RBFOX1: variants seen among roughly 807,000 people sequenced by gnomAD.
The protein encoded by RBFOX1 is RNA binding protein fox-1 homolog 1.
A neutral mutation model predicts 57.7 loss-of-function variants in RBFOX1; 8 were observed. That is an observed-to-expected ratio of 0.14 (90% CI 0.08 to 0.25). The LOEUF is 0.25. RBFOX1 is among the 10% of genes least tolerant of loss of function. The pLI is 1.00. For missense variants in RBFOX1, 611 were observed against 548.5 expected (o/e 1.11, Z -1.14); for synonymous variants, 326 against 222.4 (o/e 1.47, Z -4.15).
intron 1 of RBFOX1, among the ~76,000 whole-genome samples, chr16:6,185,015 C>A (rs151034304): frequency 6.6e-6 from 1 of 152,038 alleles, no homozygotes; most frequent in African/African-American, 2.4e-5. Flanking sequence ...CATGAGGTGC[C>A]CATTGGATTT....
intron 4 of RBFOX1, among the ~76,000 whole-genome samples, chr16:7,367,196 G>T (rs1023670404): frequency 6.6e-6 from 1 of 152,114 alleles, no homozygotes. Context: ...AATGGCTGAG[G>T]CCCCCACCCC....
At chr16:5,469,281 C>T (rs975180795) in intron 2 of RBFOX1, among the ~76,000 whole-genome samples, 1 of 152,098 alleles carries the variant, frequency 6.6e-6, no homozygotes, top group Admixed American at 6.5e-5. Flanking sequence ...CCCAGCACAC[C>T]CCCCATGTAG....
intron 5 of RBFOX1, among the ~76,000 whole-genome samples, chr16:7,548,561 C>T (rs1343718741): frequency 6.6e-6 from 1 of 152,246 alleles, no homozygotes; most frequent in Non-Finnish European, 1.5e-5. Context: ...TAGTCTAGAG[C>T]TGTGAACCAA....
At chr16:5,645,759 G>A (rs1163046839) in intron 3 of RBFOX1, among the ~76,000 whole-genome samples, 1 of 152,124 alleles carries the variant, frequency 6.6e-6, no homozygotes, top group African/African-American at 2.4e-5. Context: ...TCAATCTCCT[G>A]GCCTTAAGCA....
At chr16:6,506,765 C>A (rs570958051) in intron 2 of RBFOX1, among the ~76,000 whole-genome samples, 1 of 150,434 alleles carries the variant, frequency 6.6e-6, no homozygotes, top group African/African-American at 2.4e-5. Context: ...TCAGGCCTTA[C>A]CCTCCCAAGA....
At chr16:6,995,454 C>T (rs1353376796) in intron 3 of RBFOX1, among the ~76,000 whole-genome samples, 1 of 151,942 alleles carries the variant, frequency 6.6e-6, no homozygotes, top group Non-Finnish European at 1.5e-5. Flanking sequence ...AATAATCTTG[C>T]TGGTGGTGAC....
intron 14 of RBFOX1, among the ~76,000 whole-genome samples, chr16:7,705,613 T>C (rs960390760): frequency 6.6e-6 from 1 of 152,226 alleles, no homozygotes; most frequent in Non-Finnish European, 1.5e-5. Flanking sequence ...GTTTGGATTT[T>C]ATTCTAGGAT....
intron 14 of RBFOX1, among the ~76,000 whole-genome samples, chr16:7,679,154 TGTC>T (rs1387479277): frequency 6.6e-6 from 1 of 152,228 alleles, no homozygotes; most frequent in Non-Finnish European, 1.5e-5. Context: ...TGTTTTAAAA[TGTC>T]TATTAAATGG....
intron 4 of RBFOX1, among the ~76,000 whole-genome samples, chr16:7,385,384 A>G (rs1299356151): frequency 1.3e-5 from 2 of 152,158 alleles, no homozygotes; most frequent in Non-Finnish European, 2.9e-5. Flanking sequence ...GTTGTAGAAA[A>G]TTAACAGGCA....
At position 6,172,462 on chromosome 16, in the gene RBFOX1, C is replaced by T. The variant is rs1213905628; in HGVS notation, c.-126-144533C>T. Among the ~76,000 whole-genome samples, 9 of 152,158 alleles carry T rather than the reference C, an allele frequency of 5.9e-5. 1 individual carries two copies. Among genetic ancestry groups the T allele is most frequent in the African/African-American group, 9.7e-5 (4 of 41,444 alleles). On this transcript the variant is annotated intron_variant, in intron 1 of 15. Coordinates refer to ENST00000550418, the MANE Select transcript of RBFOX1 (RefSeq NM_018723.4). ...GAGCAGAACCATCACTTCCCATCTT[C>T]CTTGGCTGTCAACCAAAAATTGCCC...
intron 2 of RBFOX1, among the ~76,000 whole-genome samples, chr16:6,605,069 T>TTA (rs982317265): frequency 2.0e-5 from 3 of 152,024 alleles, no homozygotes; most frequent in African/African-American, 4.8e-5. Context: ...GTGTGTATTT[T>TTA]TATATATATA....
At chr16:6,781,501 G>C (rs1369747309) in intron 3 of RBFOX1, among the ~76,000 whole-genome samples, 1 of 151,904 alleles carries the variant, frequency 6.6e-6, no homozygotes, top group Non-Finnish European at 1.5e-5. Flanking sequence ...AATAGAATTG[G>C]TATTAAGTCT....
chr16:5,834,076 G>A (rs1444504420), intron 3 of RBFOX1, among the ~76,000 whole-genome samples: 2 of 152,168 alleles, frequency 1.3e-5, no homozygotes, highest in Non-Finnish European at 2.9e-5. Context: ...TTTTAGGTAG[G>A]CTTAGTTGCA....
intron 1 of RBFOX1, among the ~76,000 whole-genome samples, chr16:6,119,194 A>G (rs1436433804): frequency 6.6e-6 from 1 of 152,028 alleles, no homozygotes; most frequent in Non-Finnish European, 1.5e-5. Context: ...TTTTGGCTCA[A>G]TGAATATGAG....
intron 2 of RBFOX1, among the ~76,000 whole-genome samples, chr16:6,452,515 A>G (rs2094656228): frequency 6.6e-6 from 1 of 152,172 alleles, no homozygotes; most frequent in Non-Finnish European, 1.5e-5. Context: ...AAACTCATGG[A>G]GAGAAAAAGA....
At chr16:5,627,176 G>A (rs2048371568) in intron 3 of RBFOX1, among the ~76,000 whole-genome samples, 1 of 152,142 alleles carries the variant, frequency 6.6e-6, no homozygotes, top group Admixed American at 6.6e-5. Flanking sequence ...GGTAAGTTCA[G>A]CTTCATGGCT....
At chr16:6,445,550 C>A (rs1478812991) in intron 2 of RBFOX1, among the ~76,000 whole-genome samples, 3 of 145,130 alleles carry the variant, frequency 2.1e-5, no homozygotes, top group Non-Finnish European at 4.5e-5. Flanking sequence ...ATTAACCTTG[C>A]CTCTGAACTC....
intron 4 of RBFOX1, among the ~76,000 whole-genome samples, chr16:7,148,745 C>T (rs141140165): frequency 2.0e-5 from 3 of 152,128 alleles, no homozygotes; most frequent in Non-Finnish European, 2.9e-5. Context: ...AGCAGAAACC[C>T]GAAGAGGCCT....
intron 4 of RBFOX1, among the ~76,000 whole-genome samples, chr16:7,251,424 G>GT (rs1209199923): frequency 2.2e-5 from 2 of 90,980 alleles, no homozygotes; most frequent in Non-Finnish European, 4.4e-5. Flanking sequence ...TTTTTTTTCT[G>GT]TGGGGGATGG....
Sources: allele counts gnomAD v4.1 joint callset (sites outside exome capture counted in the v4.1 genomes callset), GRCh38; gene constraint gnomAD v4.1.1; transcripts MANE v1.5; gene names NCBI Gene and HGNC (gene_info 2026-07-23, HGNC 2026-07-21).